Variants in RIMS2 observed in about 807,000 individuals in gnomAD.
The protein encoded by RIMS2 is regulating synaptic membrane exocytosis 2, also known as regulating synaptic membrane exocytosis protein 2.
Under a neutral mutation model 174.4 loss-of-function variants are expected in RIMS2, and 59 were observed. That is an observed-to-expected ratio of 0.34 (90% CI 0.27 to 0.42). The LOEUF (loss-of-function observed/expected upper bound fraction) is 0.42, where lower values mean the gene tolerates loss of function less well. Ranked by LOEUF, RIMS2 falls within the 10% of genes least tolerant of loss-of-function variation. RIMS2 has a pLI of 1.00. For missense variants in RIMS2, 1,620 were observed against 1,666.3 expected, an observed-to-expected ratio of 0.97 and a Z score of 0.48; for synonymous variants, 606 against 572.5, an observed-to-expected ratio of 1.06 and a Z score of -0.84.
intron 3 of RIMS2, among the ~76,000 whole-genome samples, chr8:103,782,625 ATTAGGG>A (rs1420098589): frequency 2.6e-5 from 4 of 152,294 alleles, no homozygotes; most frequent in African/African-American, 9.6e-5. Flanking sequence ...ATCAGCAGGT[ATTAGGG>A]TTTTAGTTTC....
Position 104,168,549 on chromosome 8 carries a change from T to C in RIMS2, c.3335-76367T>C, listed in dbSNP as rs146247401. Among the ~76,000 whole-genome samples, 233 of 152,302 alleles carry C rather than the reference T, an allele frequency of 1.5e-3. 2 individuals are homozygous for C. Among genetic ancestry groups the C allele is most frequent in the African/African-American group, 5.1e-3 (212 of 41,560 alleles). Reference sequence around the variant, plus strand: ...GACTTTCTTGAATTTGTTTATCAGATCTAGGAGCTTTTTGGATGAGTCTTT... The same window carrying C: ...GACTTTCTTGAATTTGTTTATCAGACCTAGGAGCTTTTTGGATGAGTCTTT... On this transcript the variant is annotated intron_variant, in intron 19 of 23. Coordinates refer to ENST00000504942, the Ensembl canonical transcript of RIMS2.
At chr8:103,618,636 C>T (rs146638014) in intron 1 of RIMS2, among the ~76,000 whole-genome samples, 2 of 152,246 alleles carry the variant, frequency 1.3e-5, no homozygotes, top group East Asian at 3.9e-4. Context: ...CCCTCTTCTT[C>T]TGATTCCTCT....
At chr8:103,848,337 T>G (rs2154491665) in intron 3 of RIMS2, among the ~76,000 whole-genome samples, 1 of 152,198 alleles carries the variant, frequency 6.6e-6, no homozygotes, top group African/African-American at 2.4e-5. Context: ...GGCCTTTTTC[T>G]TTTTTCTTCA....
chr8:103,587,722 A>C (rs1457050216), intron 1 of RIMS2, among the ~76,000 whole-genome samples: 2 of 152,128 alleles, frequency 1.3e-5, no homozygotes, highest in Non-Finnish European at 2.9e-5. Flanking sequence ...TTCATAATGA[A>C]AAATCCTCAA....
intron 19 of RIMS2, among the ~76,000 whole-genome samples, chr8:104,242,325 A>C (rs540972680): frequency 6.6e-6 from 1 of 152,180 alleles, no homozygotes; most frequent in African/African-American, 2.4e-5. Context: ...CTAATAAGAA[A>C]ATTCTTTATA....
chr8:104,229,850 A>T (rs2099214488), intron 19 of RIMS2, among the ~76,000 whole-genome samples: 1 of 152,348 alleles, frequency 6.6e-6, no homozygotes, highest in South Asian at 2.1e-4. Context: ...TGTATGTATA[A>T]ATTTAGTCAC....
intron 19 of RIMS2, among the ~76,000 whole-genome samples, chr8:104,218,338 C>A (rs2138279920): frequency 6.6e-6 from 1 of 152,090 alleles, no homozygotes; most frequent in South Asian, 2.1e-4. Flanking sequence ...GACTTTCTTT[C>A]TCTTCCCTTC....
chr8:104,197,537 A>G (rs1359877586), intron 19 of RIMS2, among the ~76,000 whole-genome samples: 1 of 152,214 alleles, frequency 6.6e-6, no homozygotes, highest in East Asian at 1.9e-4. Context: ...CATCATGTTT[A>G]AGGTTGACAA....
At chr8:104,119,637 TTC>T (rs1403256747) in intron 19 of RIMS2, among the ~76,000 whole-genome samples, 1 of 152,220 alleles carries the variant, frequency 6.6e-6, no homozygotes, top group Non-Finnish European at 1.5e-5. Flanking sequence ...TTTCTGAGTA[TTC>T]TCTCTGAAAT....
chr8:103,755,335 G>T (rs990395293), intron 2 of RIMS2, among the ~76,000 whole-genome samples: 5 of 152,138 alleles, frequency 3.3e-5, no homozygotes, highest in African/African-American at 1.2e-4. Context: ...TGGGTAACCT[G>T]CCTTTTCTCT....
At chr8:103,928,263 C>G (rs1390082454) in intron 11 of RIMS2, among the ~76,000 whole-genome samples, 1 of 151,494 alleles carries the variant, frequency 6.6e-6, no homozygotes, top group Non-Finnish European at 1.5e-5. Flanking sequence ...TTAAATCACT[C>G]ATTATGTCAC....
intron 1 of RIMS2, among the ~76,000 whole-genome samples, chr8:103,510,811 T>C (rs1826092390): frequency 6.6e-6 from 1 of 152,192 alleles, no homozygotes; most frequent in South Asian, 2.1e-4. Context: ...ATCATATCTG[T>C]AGAGTTCTTT....
intron 4 of RIMS2, among the ~76,000 whole-genome samples, chr8:103,890,179 T>C (rs2099234907): frequency 6.6e-6 from 1 of 152,012 alleles, no homozygotes; most frequent in Non-Finnish European, 1.5e-5. Flanking sequence ...AAAGTATAAT[T>C]GTGGTCATAC....
At chr8:104,090,316 C>T (rs1011943097) in intron 19 of RIMS2, among the ~76,000 whole-genome samples, 1 of 151,664 alleles carries the variant, frequency 6.6e-6, no homozygotes, top group Admixed American at 6.6e-5. Flanking sequence ...ACAGTGCACA[C>T]CATGCTAACC....
chr8:103,958,831 A>C (rs2088654500), intron 14 of RIMS2, among the ~76,000 whole-genome samples: 1 of 152,212 alleles, frequency 6.6e-6, no homozygotes. Context: ...GAGGAGTCTG[A>C]GAAAAGTCAC....
At chr8:103,573,598 C>T (rs1055502573) in intron 1 of RIMS2, among the ~76,000 whole-genome samples, 1 of 151,938 alleles carries the variant, frequency 6.6e-6, no homozygotes, top group Admixed American at 6.6e-5. Flanking sequence ...TGTACCATAT[C>T]GTTTTGGTTA....
chr8:104,109,474 T>TTTTTTTAGACAACCCTCTAAAAA lies in RIMS2; in HGVS notation c.3334+94859_3334+94860insTTTTTTAGACAACCCTCTAAAAA, dbSNP rs550418540. Among the ~76,000 whole-genome samples, 1,178 of 152,138 alleles carry TTTTTTTAGACAACCCTCTAAAAA rather than the reference T, an allele frequency of 7.7e-3. 18 individuals carry two copies. The highest frequency in any genetic ancestry group is 0.027 in the African/African-American group (1,127 of 41,494). ...GAAAATAAAAGCCACTCTCTTCACA[T>TTTTTTTAGACAACCCTCTAAAAA]ACTGGGGATAATAATAGTAATTTTT... On this transcript the variant is annotated intron_variant, in intron 19 of 23. Coordinates refer to ENST00000504942, the Ensembl canonical transcript of RIMS2.
chr8:104,248,683 A>G lies in RIMS2; in HGVS notation c.3477-18A>G, dbSNP rs781264269. The stretch of plus-strand genomic sequence containing the variant: ...ATAGGGGTTGGGGATTTAATCTCAT[A>G]TGTTATTTTGCTTTCAGTCTGATTT... On this transcript the variant is annotated intron_variant, in intron 20 of 23. Transcript: ENST00000504942. 3.0e-6 allele frequency: 4 copies of G among 1,328,148 alleles called. No homozygotes were observed. The highest frequency in any genetic ancestry group is 2.9e-5 in the African/African-American group (2 of 69,332). The allele number at this position is 1,328,148 out of a possible 1,614,324, so 82.3% of individuals were successfully genotyped here.
intron 1 of RIMS2, among the ~76,000 whole-genome samples, chr8:103,600,258 A>C (rs1300069780): frequency 7.0e-6 from 1 of 141,882 alleles, no homozygotes; most frequent in African/African-American, 2.7e-5. Flanking sequence ...TAAATGCTAC[A>C]TTTTCTTTCT....
Sources: gnomAD v4.1 joint callset for allele counts (sites outside exome capture counted in the v4.1 genomes callset) on GRCh38, gnomAD v4.1.1 for gene constraint, MANE v1.5 for transcripts, NCBI Gene and HGNC (gene_info 2026-07-23, HGNC 2026-07-21) for gene names.